TOR3A: variants seen among roughly 807,000 people sequenced by gnomAD.
TOR3A encodes the protein torsin-3A.
TOR3A carries 44 observed loss-of-function variants against 42.1 expected under a neutral mutation model. That is an observed-to-expected ratio of 1.04 (90% CI 0.82 to 1.34). The LOEUF is 1.34. TOR3A is among the 40% of genes most tolerant of loss of function. The pLI, the probability that TOR3A is intolerant of heterozygous loss-of-function variation, is 0.00. For missense variants in TOR3A, 521 were observed against 507.6 expected (o/e 1.03, Z -0.25); for synonymous variants, 227 against 213.2 (o/e 1.06, Z -0.57).
intron 4 of TOR3A, among the ~76,000 whole-genome samples, chr1:179,092,755 C>A (rs1020718662): frequency 1.3e-5 from 2 of 152,038 alleles, no homozygotes; most frequent in African/African-American, 2.4e-5. Flanking sequence ...GCAGGAGAAT[C>A]TCTTGAATCC....
intron 2 of TOR3A, among the ~76,000 whole-genome samples, chr1:179,085,112 G>T (rs1460794544): frequency 6.6e-6 from 1 of 152,168 alleles, no homozygotes; most frequent in Non-Finnish European, 1.5e-5. Flanking sequence ...GTCCCATCTT[G>T]ATTTCCCAAA....
Position 179,087,942 on chromosome 1 carries a change from A to T in TOR3A, c.671A>T (p.Gln224Leu). 6.2e-7 allele frequency: 1 copy of T among 1,604,646 alleles called. No individual in the cohort carries two copies. Among genetic ancestry groups the T allele is most frequent in the Non-Finnish European group, 8.5e-7 (1 of 1,175,636 alleles). ...EQLMSQIRET[Q>L]QLCHQTLFIF... ...CTGATGAGCCAGATCCGGGAGACGC[A>T]GCAGCTCTGCCACCAGACCCTGTTC... Residue 224 changes from glutamine (Q) to leucine (L), a missense_variant, in exon 4 of 6, where the codon CAG (glutamine) becomes CTG (leucine). Transcript: ENST00000367627.
Position 179,095,253 on chromosome 1 carries a change from T to A in TOR3A, c.*35T>A. The A allele has an allele frequency of 6.2e-7, 1 of 1,611,436 alleles. No homozygotes were observed. The highest frequency in any genetic ancestry group is 2.2e-5 in the East Asian group (1 of 44,870). On this transcript the variant is annotated 3_prime_UTR_variant, in exon 6 of 6. Coordinates refer to ENST00000367627, the MANE Select transcript of TOR3A (RefSeq NM_022371.4). ...GAAGACTTCCTGGAACTGCCTTTCTTCCACTAACAGGACCCTGGGACCTGT... is the reference window on the plus strand; with the variant it reads ...GAAGACTTCCTGGAACTGCCTTTCTACCACTAACAGGACCCTGGGACCTGT...
intron 4 of TOR3A, among the ~76,000 whole-genome samples, chr1:179,092,031 G>A (rs1652602029): frequency 2.6e-5 from 4 of 152,220 alleles, no homozygotes; most frequent in Admixed American, 2.6e-4. Flanking sequence ...GGCTCCTCCA[G>A]CTGGGAGCTC....
Position 179,085,826 on chromosome 1 carries a change from G to C in TOR3A, c.572G>C (p.Ser191Thr), listed in dbSNP as rs774518433. The C allele has an allele frequency of 1.2e-5, 20 of 1,614,088 alleles. No individual in the cohort carries two copies. The East Asian group carries it at 4.2e-4, about 34-fold the overall frequency. Residue 191 changes from serine to threonine, a missense_variant, in exon 3 of 6, where the codon AGT becomes ACT. By Grantham distance (58) the Ser-to-Thr change is moderately conservative. Transcript: ENST00000367627. ...AACCTGTATCGGGACGGGCTGATGA[G>C]TGACTGTGTCAGGATGTTCATCGCC... Reference protein sequence around the residue: ...VENLYRDGLMSDCVRMFIATF... With the variant: ...VENLYRDGLMTDCVRMFIATF...
intron 3 of TOR3A, 27 bp from the exon 4 acceptor site, chr1:179,087,884 C>G: frequency 6.6e-7 from 1 of 1,514,940 alleles, no homozygotes; most frequent in Non-Finnish European, 8.8e-7. Flanking sequence ...TCACCACTTC[C>G]CCAGCTGCTC....
In TOR3A at chr1:179,095,414, G is replaced by GATAC; in HGVS notation, c.*197_*198insTACA. On this transcript the variant is annotated 3_prime_UTR_variant, in exon 6 of 6. Coordinates refer to ENST00000367627, the MANE Select transcript of TOR3A (RefSeq NM_022371.4). ...AAGCCAATCCTTTTTCTTTTTTTTG[G>GATAC]AGGTCCCACCGAGATAGATAGGAAC... is the stretch of plus-strand genomic sequence containing the variant. The GATAC allele has an allele frequency of 1.5e-6, 2 of 1,331,018 alleles. No individual in the cohort carries two copies. The highest frequency in any genetic ancestry group is 9.6e-7 in the Non-Finnish European group (1 of 1,043,872). 82.5% of individuals were successfully genotyped at this position (1,331,018 alleles called of 1,614,324 possible). A position where few individuals can be genotyped will look rare whatever the true frequency, so the allele number is the denominator to read the frequency against.
chr1:179,085,176 C>T (rs1374879212), intron 2 of TOR3A, among the ~76,000 whole-genome samples: 1 of 152,208 alleles, frequency 6.6e-6, no homozygotes, highest in Non-Finnish European at 1.5e-5. Context: ...CCTGTAATCC[C>T]AGCACTTTGG....
At chr1:179,090,919 A>G (rs77779459) in intron 4 of TOR3A, among the ~76,000 whole-genome samples, 3,692 of 152,262 alleles carry the variant, frequency 0.024, 146 homozygotes, top group African/African-American at 0.083. Flanking sequence ...ACTTTGAAAA[A>G]TTACAGAACT....
At chr1:179,093,577 A>C (rs1336742038) in intron 4 of TOR3A, among the ~76,000 whole-genome samples, 1 of 152,220 alleles carries the variant, frequency 6.6e-6, no homozygotes, top group East Asian at 1.9e-4. Context: ...CAAATGGCAG[A>C]CAAAGCCCTC....
intron 4 of TOR3A, among the ~76,000 whole-genome samples, chr1:179,090,538 G>A (rs1438335642): frequency 6.6e-6 from 1 of 152,262 alleles, no homozygotes; most frequent in Non-Finnish European, 1.5e-5. Flanking sequence ...CACGAAGGAA[G>A]AGCAGCAGTT....
Position 179,085,825 on chromosome 1 carries a change from A to G in TOR3A, c.571A>G (p.Ser191Gly). The change falls in exon 3 of 6, where the codon AGT becomes GGT. Residue 191 changes from serine to glycine, a missense_variant. Ser to Gly is a moderately conservative substitution (Grantham distance 56). Transcript: ENST00000367627. ...GAACCTGTATCGGGACGGGCTGATGAGTGACTGTGTCAGGATGTTCATCGC... is the reference window on the plus strand; with the variant it reads ...GAACCTGTATCGGGACGGGCTGATGGGTGACTGTGTCAGGATGTTCATCGC... ...VENLYRDGLM[S>G]DCVRMFIATF... 1.2e-6 allele frequency: 2 copies of G among 1,614,158 alleles called. No individual in the cohort carries two copies. The highest frequency in any genetic ancestry group is 1.1e-5 in the South Asian group (1 of 91,086).
intron 4 of TOR3A, among the ~76,000 whole-genome samples, chr1:179,092,617 C>T (rs528301871): frequency 6.6e-6 from 1 of 152,210 alleles, no homozygotes; most frequent in Admixed American, 6.5e-5. Context: ...CTTTGGGAGG[C>T]GGGCAGATCA....
intron 1 of TOR3A, 53 bp from the exon 2 acceptor site, chr1:179,082,887 A>T: frequency 1.6e-6 from 2 of 1,227,426 alleles, no homozygotes; most frequent in Non-Finnish European, 2.3e-6. Flanking sequence ...TTGCCGCATC[A>T]CTGTAGAGCA....
chr1:179,092,119 G>C (rs796891356), intron 4 of TOR3A, among the ~76,000 whole-genome samples: 12 of 152,312 alleles, frequency 7.9e-5, no homozygotes, highest in African/African-American at 2.6e-4. Context: ...TAGACAACTT[G>C]GCTGTCCGGG....
At chr1:179,094,353 C>A in intron 5 of TOR3A, 136 bp downstream of exon 5, 2 of 1,160,088 alleles carry the variant, frequency 1.7e-6, no homozygotes, top group Non-Finnish European at 2.3e-6. Context: ...CTCACATTGT[C>A]AACCCTGGGT....
Position 179,082,165 on chromosome 1 carries a change from T to C in TOR3A, c.37T>C (p.Phe13Leu), listed in dbSNP as rs2296377. The C allele has an allele frequency of 0.72, 1,079,113 of 1,506,738 alleles. 389,643 individuals are homozygous for C. The highest frequency in any genetic ancestry group is 0.95 in the African/African-American group (65,657 of 69,122). The allele number at this position is 1,506,738 out of a possible 1,614,324, so 93.3% of individuals were successfully genotyped here. The change falls in exon 1 of 6, where the codon TTC becomes CTC. Residue 13 changes from phenylalanine to leucine, a missense_variant. By Grantham distance (22) the Phe-to-Leu change is conservative. Transcript: ENST00000367627. ...TCCGTGGCGCCAGCTTTGGCTCTTT[T>C]TCCTGCTGCTGCTCCCGGGCGCGCC... is the stretch of plus-strand genomic sequence containing the variant. ...RGPWRQLWLF[F>L]LLLLPGAPEP...
At position 179,088,047 on chromosome 1, in the gene TOR3A, G is replaced by GC. The variant is rs1225345562; in HGVS notation, c.778dup (p.His260ProfsTer4). 1 of 1,611,652 alleles carries GC rather than the reference G, an allele frequency of 6.2e-7. No individual in the cohort carries two copies. On this transcript the variant is annotated frameshift_variant, in exon 4 of 6. Coordinates refer to ENST00000367627, the MANE Select transcript of TOR3A (RefSeq NM_022371.4). LOFTEE classifies it high-confidence loss of function. ...CACTTAGAACGCCGGGCCCCTGAGG[G>GC]CCACAGGGCTGAGTCTCCATGGACT...
chr1:179,092,920 G>C (rs1438524131), intron 4 of TOR3A, among the ~76,000 whole-genome samples: 1 of 152,134 alleles, frequency 6.6e-6, no homozygotes, highest in African/African-American at 2.4e-5. Context: ...GAGAGGATCA[G>C]CTGAGCCTGG....
Sources: gnomAD v4.1 joint callset for allele counts (sites outside exome capture counted in the v4.1 genomes callset) on GRCh38, gnomAD v4.1.1 for gene constraint, MANE v1.5 for transcripts, NCBI Gene and HGNC (gene_info 2026-07-23, HGNC 2026-07-21) for gene names.